The following ROBO1 variants were observed in gnomAD, a reference collection of about 807,000 sequenced individuals.
ROBO1 encodes the protein roundabout guidance receptor 1, also known as roundabout homolog 1.
Under a neutral mutation model 195.9 loss-of-function variants are expected in ROBO1, and 149 were observed. The observed-to-expected ratio is 0.76, with a 90% CI of 0.67 to 0.87. The LOEUF (loss-of-function observed/expected upper bound fraction) is 0.87. Among genes scored for constraint, ROBO1 ranks in the 40% least tolerant of loss-of-function variants. The probability of loss-of-function intolerance (pLI) is 0.00; values close to 1 mark genes in which losing one functional copy is unlikely to be tolerated. For missense variants in ROBO1, 1,933 were observed against 2,068.3 expected, an observed-to-expected ratio of 0.93 and a Z score of 1.27; for synonymous variants, 816 against 733.2, an observed-to-expected ratio of 1.11 and a Z score of -1.82.
At chr3:79,311,230 A>C (rs1051362125) in intron 2 of ROBO1, among the ~76,000 whole-genome samples, 1 of 152,310 alleles carries the variant, frequency 6.6e-6, no homozygotes, top group East Asian at 1.9e-4. Flanking sequence ...ACCTGTCTTC[A>C]TATTTTACCC....
chr3:79,394,033 T>C (rs2037049247), intron 2 of ROBO1, among the ~76,000 whole-genome samples: 1 of 152,136 alleles, frequency 6.6e-6, no homozygotes. Flanking sequence ...AGATTTAGCT[T>C]TCCCTTAGTA....
At chr3:78,985,660 C>T (rs547851884) in intron 3 of ROBO1, among the ~76,000 whole-genome samples, 3 of 152,266 alleles carry the variant, frequency 2.0e-5, no homozygotes, top group South Asian at 2.1e-4. Context: ...CCTCTACTCA[C>T]GAGATCCTGG....
chr3:78,608,257 C>T (rs1276752478), intron 28 of ROBO1, among the ~76,000 whole-genome samples: 1 of 151,162 alleles, frequency 6.6e-6, no homozygotes, highest in Non-Finnish European at 1.5e-5. Flanking sequence ...GACTACATGC[C>T]ACCACACCCG....
At chr3:79,007,476 C>T (rs1449154668) in intron 3 of ROBO1, among the ~76,000 whole-genome samples, 1 of 152,126 alleles carries the variant, frequency 6.6e-6, no homozygotes, top group Non-Finnish European at 1.5e-5. Flanking sequence ...TAAAAATACA[C>T]ATAGCATTAT....
At chr3:79,105,228 A>T (rs1407421473) in intron 3 of ROBO1, among the ~76,000 whole-genome samples, 1 of 151,846 alleles carries the variant, frequency 6.6e-6, no homozygotes, top group Non-Finnish European at 1.5e-5. Flanking sequence ...TAGTTACAGC[A>T]TGTAAAAATT....
chr3:79,041,422 G>A (rs1163802829), intron 3 of ROBO1, among the ~76,000 whole-genome samples: 1 of 151,572 alleles, frequency 6.6e-6, no homozygotes, highest in Non-Finnish European at 1.5e-5. Flanking sequence ...GCCTCTACCT[G>A]AAAGTTGAAA....
chr3:78,783,976 C>T (rs1386478854), intron 4 of ROBO1, among the ~76,000 whole-genome samples: 2 of 151,962 alleles, frequency 1.3e-5, no homozygotes, highest in African/African-American at 2.4e-5. Flanking sequence ...TATTAAGTGG[C>T]TTTGAACTAG....
At chr3:79,472,745 A>G (rs1198387417) in intron 2 of ROBO1, among the ~76,000 whole-genome samples, 9 of 152,148 alleles carry the variant, frequency 5.9e-5, no homozygotes, top group Admixed American at 5.2e-4. Context: ...ATCACAAGCA[A>G]TATAGATGTG....
chr3:79,727,876 T>C (rs1053113005), intron 1 of ROBO1, among the ~76,000 whole-genome samples: 1 of 152,154 alleles, frequency 6.6e-6, no homozygotes, highest in African/African-American at 2.4e-5. Context: ...CAACACATAG[T>C]ACCTATACAA....
intron 1 of ROBO1, among the ~76,000 whole-genome samples, chr3:79,679,166 G>A (rs1560093711): frequency 6.6e-6 from 1 of 152,090 alleles, no homozygotes; most frequent in Non-Finnish European, 1.5e-5. Flanking sequence ...AGGCAGGTAT[G>A]TGTTTGTATG....
intron 2 of ROBO1, among the ~76,000 whole-genome samples, chr3:79,142,109 A>T (rs374518428): frequency 6.6e-6 from 1 of 152,284 alleles, no homozygotes; most frequent in South Asian, 2.1e-4. Flanking sequence ...AAACTTAAGA[A>T]AATAAAATAG....
intron 2 of ROBO1, among the ~76,000 whole-genome samples, chr3:79,320,830 T>G (rs894044898): frequency 1.3e-5 from 2 of 152,236 alleles, no homozygotes; most frequent in Admixed American, 6.5e-5. Context: ...AGTATTTAAT[T>G]TTAGATGCTA....
chr3:79,085,497 G>C (rs1322323786), intron 3 of ROBO1, among the ~76,000 whole-genome samples: 1 of 152,138 alleles, frequency 6.6e-6, no homozygotes, highest in Admixed American at 6.5e-5. Flanking sequence ...GATAGGCAAG[G>C]TTAGGCATGA....
intron 2 of ROBO1, among the ~76,000 whole-genome samples, chr3:79,334,367 T>C (rs1362695897): frequency 6.8e-6 from 1 of 147,466 alleles, no homozygotes; most frequent in African/African-American, 2.5e-5. Context: ...TATATATGTA[T>C]ATATATTTTA....
intron 1 of ROBO1, among the ~76,000 whole-genome samples, chr3:79,726,857 T>C (rs1325035557): frequency 6.6e-6 from 1 of 152,158 alleles, no homozygotes; most frequent in Non-Finnish European, 1.5e-5. Flanking sequence ...CTCCTGTTTA[T>C]ATGTGAGGGG....
intron 4 of ROBO1, among the ~76,000 whole-genome samples, chr3:78,912,744 A>G (rs2038323089): frequency 6.6e-6 from 1 of 152,166 alleles, no homozygotes; most frequent in Non-Finnish European, 1.5e-5. Flanking sequence ...TGTATGTCAC[A>G]ATAAATTAAA....
intron 23 of ROBO1, chr3:78,634,666 C>A (rs1263276008): frequency 6.3e-6 from 1 of 158,450 alleles, no homozygotes; most frequent in Admixed American, 6.4e-5. Flanking sequence ...TTTGAATCAC[C>A]ACTGCAAACT....
intron 2 of ROBO1, among the ~76,000 whole-genome samples, chr3:79,229,700 A>C (rs762961215): frequency 7.9e-5 from 12 of 152,134 alleles, no homozygotes; most frequent in Admixed American, 1.3e-4. Context: ...ATTTACAGGC[A>C]TGAGCCATCG....
At chr3:79,064,936 A>G (rs2078980560) in intron 3 of ROBO1, among the ~76,000 whole-genome samples, 1 of 152,024 alleles carries the variant, frequency 6.6e-6, no homozygotes, top group African/African-American at 2.4e-5. Flanking sequence ...TACTACAGGT[A>G]AAAATTACAG....
Sources: gnomAD v4.1 joint callset for allele counts (sites outside exome capture counted in the v4.1 genomes callset) on GRCh38, gnomAD v4.1.1 for gene constraint, MANE v1.5 for transcripts, NCBI Gene and HGNC (gene_info 2026-07-23, HGNC 2026-07-21) for gene names.